Variants in RORA observed in about 807,000 individuals in gnomAD.
RORA encodes the protein nuclear receptor ROR-alpha.
A neutral mutation model predicts 69.5 loss-of-function variants in RORA; 7 were observed. The ratio of observed to expected loss-of-function variants is 0.10; its 90% CI spans 0.06 to 0.19. The LOEUF (loss-of-function observed/expected upper bound fraction) is 0.19, where lower values mean the gene tolerates loss of function less well. Among genes scored for constraint, RORA ranks in the 10% least tolerant of loss-of-function variants. RORA has a pLI of 1.00. For synonymous variants in RORA, 261 were observed against 240.8 expected, an observed-to-expected ratio of 1.08 and a Z score of -0.78; for missense variants, 457 against 663.0, an observed-to-expected ratio of 0.69 and a Z score of 3.41.
intron 1 of RORA, among the ~76,000 whole-genome samples, chr15:60,944,283 C>T (rs894160847): frequency 6.6e-6 from 1 of 152,146 alleles, no homozygotes; most frequent in Non-Finnish European, 1.5e-5. Context: ...CCAGGAAGAT[C>T]CTCCCATGCA....
At chr15:61,210,998 T>C (rs2079986218) in intron 1 of RORA, among the ~76,000 whole-genome samples, 1 of 152,200 alleles carries the variant, frequency 6.6e-6, no homozygotes, top group Non-Finnish European at 1.5e-5. Context: ...GGTTCTCAGG[T>C]AACCAGCTGG....
intron 1 of RORA, among the ~76,000 whole-genome samples, chr15:60,917,340 A>G (rs1461836825): frequency 6.6e-6 from 1 of 152,212 alleles, no homozygotes; most frequent in Non-Finnish European, 1.5e-5. Flanking sequence ...TTACAAGTTT[A>G]GTAGCCCTTT....
At chr15:60,922,313 T>C (rs1482194305) in intron 1 of RORA, among the ~76,000 whole-genome samples, 2 of 152,080 alleles carry the variant, frequency 1.3e-5, no homozygotes, top group Admixed American at 6.5e-5. Flanking sequence ...AACCCTAACA[T>C]AAACTATGCA....
intron 1 of RORA, among the ~76,000 whole-genome samples, chr15:61,019,832 GGCCT>G (rs1425481488): frequency 7.2e-5 from 11 of 152,064 alleles, no homozygotes; most frequent in African/African-American, 2.7e-4. Context: ...TCACTGACGG[GGCCT>G]GCCTGCCCCC....
At chr15:60,899,405 A>C (rs1002941663) in intron 1 of RORA, among the ~76,000 whole-genome samples, 1 of 152,236 alleles carries the variant, frequency 6.6e-6, no homozygotes, top group African/African-American at 2.4e-5. Flanking sequence ...AGATGTGGAT[A>C]GGAAATGACA....
At chr15:60,559,479 A>AAATC (rs2067470692) in intron 2 of RORA, among the ~76,000 whole-genome samples, 1 of 152,218 alleles carries the variant, frequency 6.6e-6, no homozygotes, top group South Asian at 2.1e-4. Flanking sequence ...ATTTCCTCTG[A>AAATC]AATCAAGTGC....
intron 1 of RORA, among the ~76,000 whole-genome samples, chr15:60,840,171 T>G (rs2073176830): frequency 6.6e-6 from 1 of 152,312 alleles, no homozygotes; most frequent in Non-Finnish European, 1.5e-5. Flanking sequence ...TCACCTCACT[T>G]GCTGCCTTAG....
Position 60,891,866 on chromosome 15 carries a change from G to T in RORA, c.167-213180C>A, listed in dbSNP as rs115868954. 4.6e-3 allele frequency among the ~76,000 whole-genome samples: 702 copies of T among 152,136 alleles called. 8 individuals carry two copies. The highest frequency in any genetic ancestry group is 0.016 in the African/African-American group (669 of 41,500). On this transcript the variant is annotated intron_variant, in intron 1 of 10. Coordinates refer to ENST00000335670, the MANE Select transcript of RORA (RefSeq NM_134261.3). Reference sequence around the variant, plus strand: ...TCATTTTCCAAGATTTAGCTTTATGGTCACCACCTCCTGGATGCCTTCGTG... The same window carrying T: ...TCATTTTCCAAGATTTAGCTTTATGTTCACCACCTCCTGGATGCCTTCGTG...
chr15:60,627,642 C>T (rs559984553), intron 2 of RORA: 1 of 577,492 alleles, frequency 1.7e-6, no homozygotes, highest in African/African-American at 2.0e-5. Flanking sequence ...TTCTTTCTTC[C>T]CTTTTTTCAA....
intron 1 of RORA, among the ~76,000 whole-genome samples, chr15:60,776,521 G>T (rs1355827918): frequency 1.3e-5 from 2 of 152,202 alleles, no homozygotes; most frequent in African/African-American, 4.8e-5. Flanking sequence ...TCACAACCAG[G>T]CTTTCTTTAA....
chr15:60,736,835 C>G (rs1317859811), intron 1 of RORA: 1 of 152,134 alleles, frequency 6.6e-6, no homozygotes, highest in Non-Finnish European at 1.5e-5. Context: ...CAGAGCCGAG[C>G]CTGGTTAGTA....
intron 5 of RORA, among the ~76,000 whole-genome samples, chr15:60,509,662 TC>T (rs1187657463): frequency 1.3e-5 from 2 of 152,214 alleles, no homozygotes; most frequent in Non-Finnish European, 2.9e-5. Context: ...AGGTCATTTT[TC>T]ATGGTATCAT....
chr15:60,603,503 C>G (rs1262928194), intron 2 of RORA, among the ~76,000 whole-genome samples: 1 of 152,164 alleles, frequency 6.6e-6, no homozygotes, highest in East Asian at 1.9e-4. Flanking sequence ...TTCCCAGGAA[C>G]ACTGAATTTT....
At chr15:61,024,876 G>A (rs1895721558) in intron 1 of RORA, among the ~76,000 whole-genome samples, 1 of 152,202 alleles carries the variant, frequency 6.6e-6, no homozygotes, top group South Asian at 2.1e-4. Context: ...AAAGGTGTGA[G>A]CCACCGCACC....
intron 1 of RORA, among the ~76,000 whole-genome samples, chr15:60,871,092 C>G (rs1266260105): frequency 6.6e-6 from 1 of 152,082 alleles, no homozygotes; most frequent in Non-Finnish European, 1.5e-5. Flanking sequence ...TTGAGCACAT[C>G]GGAACAAGCA....
At chr15:60,684,348 G>T (rs2070705630) in intron 1 of RORA, among the ~76,000 whole-genome samples, 1 of 152,188 alleles carries the variant, frequency 6.6e-6, no homozygotes, top group Non-Finnish European at 1.5e-5. Context: ...GGTCATGGTG[G>T]CTCACGCCTG....
intron 2 of RORA, among the ~76,000 whole-genome samples, chr15:60,668,568 C>T (rs768891147): frequency 1.3e-5 from 2 of 152,120 alleles, no homozygotes; most frequent in Admixed American, 6.5e-5. Context: ...TCATTGGCCT[C>T]GGGGGACAGA....
chr15:60,528,082 G>A (rs1242611092), intron 3 of RORA: 1 of 152,552 alleles, frequency 6.6e-6, no homozygotes, highest in East Asian at 1.9e-4. Context: ...TGAGACAGGG[G>A]TCTTGCTCTG....
At chr15:60,852,471 G>A (rs2073336997) in intron 1 of RORA, among the ~76,000 whole-genome samples, 1 of 152,136 alleles carries the variant, frequency 6.6e-6, no homozygotes, top group African/African-American at 2.4e-5. Flanking sequence ...TTGTTGTAAG[G>A]ATTAAATGAA....
Sources: allele counts gnomAD v4.1 joint callset (sites outside exome capture counted in the v4.1 genomes callset), GRCh38; gene constraint gnomAD v4.1.1; transcripts MANE v1.5; gene names NCBI Gene and HGNC (gene_info 2026-07-23, HGNC 2026-07-21).